SPAST: variants seen among roughly 807,000 people sequenced by gnomAD.
The protein encoded by SPAST is spastin, also known as spastic paraplegia 4 (autosomal dominant; spastin).
In SPAST, 30 loss-of-function variants were observed where a neutral mutation model predicts 76.6. The observed-to-expected ratio is 0.39, with a 90% CI of 0.29 to 0.53. SPAST has a LOEUF of 0.53. Among genes scored for constraint, SPAST ranks in the 20% least tolerant of loss-of-function variants. The pLI, the probability that SPAST is intolerant of heterozygous loss-of-function variation, is 0.68. For synonymous variants in SPAST, 305 were observed against 281.0 expected, an observed-to-expected ratio of 1.09 and a Z score of -0.86; for missense variants, 717 against 770.5, an observed-to-expected ratio of 0.93 and a Z score of 0.82.
intron 7 of SPAST, among the ~76,000 whole-genome samples, chr2:32,120,590 T>TC (rs397727750): frequency 1.9e-4 from 28 of 151,104 alleles, no homozygotes; most frequent in South Asian, 4.2e-4. Flanking sequence ...TTTTTTTTTT[T>TC]CCCAGAATAC....
intron 4 of SPAST, among the ~76,000 whole-genome samples, chr2:32,108,679 G>T (rs1678416252): frequency 6.6e-6 from 1 of 151,226 alleles, no homozygotes; most frequent in African/African-American, 2.4e-5. Flanking sequence ...TCAAACTCCT[G>T]GGCTCAATCA....
At chr2:32,111,270 A>G (rs1344113044) in intron 4 of SPAST, among the ~76,000 whole-genome samples, 1 of 100,666 alleles carries the variant, frequency 9.9e-6, no homozygotes, top group Admixed American at 1.0e-4. Context: ...TAGCGTATAT[A>G]TACAGTATAC....
Position 32,063,729 on chromosome 2 carries a change from C to CG in SPAST, c.-98dup. The CG allele has an allele frequency of 2.1e-6, 3 of 1,456,848 alleles. No individual in the cohort carries two copies. The highest frequency in any genetic ancestry group is 4.2e-5 in the Admixed American group (2 of 48,036). 90.2% of individuals were successfully genotyped at this position (1,456,848 alleles called of 1,614,324 possible). A position where few individuals can be genotyped will look rare whatever the true frequency, so the allele number is the denominator to read the frequency against. On this transcript the variant is annotated 5_prime_UTR_variant, in exon 1 of 17. Transcript: ENST00000315285. ...GGAGCTCCTGAGACCGGCGGGCACA[C>CG]GGGGGTCTGTGGCCCCCGCCGTAGC...
intron 7 of SPAST, among the ~76,000 whole-genome samples, chr2:32,117,350 G>A (rs1401549045): frequency 6.6e-6 from 1 of 151,998 alleles, no homozygotes; most frequent in Non-Finnish European, 1.5e-5. Context: ...GACACAATGA[G>A]TTTTCCCAGA....
In SPAST at chr2:32,141,771, T is replaced by C. The variant is rs564352369; in HGVS notation, c.1494-133T>C. The C allele has an allele frequency of 1.9e-5, 13 of 689,290 alleles. No individual in the cohort carries two copies. In the South Asian group the frequency reaches 2.2e-4, roughly 11 times the overall value. 42.7% of individuals were successfully genotyped at this position (689,290 alleles called of 1,614,324 possible). ...GAGTTTTAAAAGAGTAACAAAAATA[T>C]TTTTACATTGATAACTACCAAAATG... On this transcript the variant is annotated intron_variant, in intron 12 of 16. Transcript: ENST00000315285.
At chr2:32,068,893 CAAA>C (rs550306120) in intron 1 of SPAST, among the ~76,000 whole-genome samples, 14 of 104,062 alleles carry the variant, frequency 1.3e-4, no homozygotes, top group Non-Finnish European at 1.6e-4. Context: ...GAGACTCCAT[CAAA>C]AAAAAAAAAA....
chr2:32,117,016 T>C, intron 7 of SPAST, among the ~76,000 whole-genome samples: 1 of 151,300 alleles, frequency 6.6e-6, no homozygotes, highest in East Asian at 2.0e-4. Context: ...ATCCCAGCAC[T>C]TTGGGAGGCT....
intron 4 of SPAST, among the ~76,000 whole-genome samples, chr2:32,103,912 G>A (rs1678219646): frequency 6.6e-6 from 1 of 152,196 alleles, no homozygotes; most frequent in African/African-American, 2.4e-5. Flanking sequence ...TGGAATAGGT[G>A]TGGTGTGGTG....
intron 12 of SPAST, among the ~76,000 whole-genome samples, chr2:32,140,902 G>A (rs1679695489): frequency 7.5e-6 from 1 of 133,042 alleles, no homozygotes; most frequent in South Asian, 2.3e-4. Flanking sequence ...TGTTTATTGT[G>A]TTTTGTTTGC....
At chr2:32,093,684 T>A (rs1677811233) in intron 3 of SPAST, among the ~76,000 whole-genome samples, 1 of 152,210 alleles carries the variant, frequency 6.6e-6, no homozygotes, top group Non-Finnish European at 1.5e-5. Context: ...CCCAAGTGCC[T>A]ACAACAGTGT....
chr2:32,140,821 T>C (rs931075962), intron 12 of SPAST, among the ~76,000 whole-genome samples: 6 of 148,892 alleles, frequency 4.0e-5, no homozygotes, highest in African/African-American at 1.5e-4. Flanking sequence ...CGTGGAAAGA[T>C]ACTTGGTCAT....
chr2:32,124,982 C>G (rs947653862), intron 7 of SPAST, among the ~76,000 whole-genome samples: 1 of 152,030 alleles, frequency 6.6e-6, no homozygotes, highest in African/African-American at 2.4e-5. Context: ...ATACCTTTGT[C>G]AAAACCCACA....
chr2:32,075,894 CTCTTTTT>C (rs1676943805), intron 1 of SPAST, among the ~76,000 whole-genome samples: 1 of 87,162 alleles, frequency 1.1e-5, no homozygotes, highest in Non-Finnish European at 2.1e-5. Context: ...ATTCAAAATG[CTCTTTTT>C]TTTTTTTTTT....
At chr2:32,083,932 C>A (rs1677368018) in intron 1 of SPAST, among the ~76,000 whole-genome samples, 1 of 150,336 alleles carries the variant, frequency 6.7e-6, no homozygotes, top group South Asian at 2.1e-4. Context: ...ACACATGCCA[C>A]CATGCCCGGC....
intron 4 of SPAST, among the ~76,000 whole-genome samples, chr2:32,111,348 CTGTATAGTG>C (rs1220650883): frequency 3.2e-5 from 4 of 125,864 alleles, no homozygotes; most frequent in Admixed American, 8.0e-5. Flanking sequence ...ATACAGTATA[CTGTATAGTG>C]TGTATAGCGT....
intron 3 of SPAST, 152 bp downstream of exon 3, chr2:32,089,757 G>A (rs914867159): frequency 2.6e-5 from 16 of 607,026 alleles, no homozygotes; most frequent in Non-Finnish European, 4.1e-5. Flanking sequence ...AAACAGAAGA[G>A]CATAATGGAC....
intron 16 of SPAST, among the ~76,000 whole-genome samples, chr2:32,151,951 G>T (rs906917319): frequency 5.9e-5 from 9 of 151,538 alleles, no homozygotes; most frequent in African/African-American, 1.9e-4. Context: ...ATCTTTTACA[G>T]TTTATAATAG....
At chr2:32,123,592 C>T (rs900228084) in intron 7 of SPAST, among the ~76,000 whole-genome samples, 2 of 152,132 alleles carry the variant, frequency 1.3e-5, no homozygotes, top group Non-Finnish European at 2.9e-5. Context: ...AGAAAAAAGT[C>T]AGAGGACTGA....
rs1335756683 is a variant in SPAST, at chr2:32,063,732, G to C, written c.-100G>C. ...GCTCCTGAGACCGGCGGGCACACGG[G>C]GGTCTGTGGCCCCCGCCGTAGCAGT... On this transcript the variant is annotated 5_prime_UTR_variant, in exon 1 of 17. Coordinates refer to ENST00000315285, the MANE Select transcript of SPAST (RefSeq NM_014946.4). 6.8e-7 allele frequency: 1 copy of C among 1,470,274 alleles called. No homozygotes were observed. The highest frequency in any genetic ancestry group is 9.1e-7 in the Non-Finnish European group (1 of 1,102,934). 91.1% of individuals were successfully genotyped at this position (1,470,274 alleles called of 1,614,324 possible). A position where few individuals can be genotyped will look rare whatever the true frequency, so the allele number is the denominator to read the frequency against.
Sources: allele counts gnomAD v4.1 joint callset (sites outside exome capture counted in the v4.1 genomes callset), GRCh38; gene constraint gnomAD v4.1.1; transcripts MANE v1.5; gene names NCBI Gene and HGNC (gene_info 2026-07-23, HGNC 2026-07-21).